CCDC33: variants seen among roughly 807,000 people sequenced by gnomAD.
CCDC33 encodes coiled-coil domain-containing protein 33.
A neutral mutation model predicts 91.9 loss-of-function variants in CCDC33; 94 were observed. That is an observed-to-expected ratio of 1.02 (90% CI 0.87 to 1.21). The LOEUF is 1.21. Among genes scored for constraint, CCDC33 ranks in the 50% most tolerant of loss-of-function variants. The pLI is 0.00. For synonymous variants in CCDC33, 396 were observed against 374.5 expected (o/e 1.06, Z -0.66); for missense variants, 940 against 935.5 (o/e 1.00, Z -0.06).
chr15:74,214,815 A>G (rs551474165), upstream of CCDC33, among the ~76,000 whole-genome samples: 5 of 152,256 alleles, frequency 3.3e-5, no homozygotes, highest in South Asian at 8.3e-4. Context: ...TCACAGATGG[A>G]CTCCAAATGA....
chr15:74,332,295 GC>G, intron 15 of CCDC33, among the ~76,000 whole-genome samples: 1 of 152,296 alleles, frequency 6.6e-6, no homozygotes. Context: ...TGCAATGAAA[GC>G]TGGGCTGGCC....
intron 7 of CCDC33, among the ~76,000 whole-genome samples, chr15:74,279,688 C>G (rs1156975178): frequency 6.6e-6 from 1 of 152,146 alleles, no homozygotes; most frequent in Non-Finnish European, 1.5e-5. Flanking sequence ...AGGAGTCCCC[C>G]ACCACACCTA....
Position 74,209,391 on chromosome 15 carries a change from G to T in CCDC33, n.93G>T, listed in dbSNP as rs180854138. 796 of 1,535,580 alleles carry T rather than the reference G, an allele frequency of 5.2e-4. 11 individuals are homozygous for T. Among genetic ancestry groups the T allele is most frequent in the Non-Finnish European group, 3.4e-5 (39 of 1,146,870 alleles). ...TGTCCCCATCCATCACTCCCAGGGGGCCACTGCCTGATGAATTGCCAGAGG... is the reference window on the plus strand; with the variant it reads ...TGTCCCCATCCATCACTCCCAGGGGTCCACTGCCTGATGAATTGCCAGAGG... On this transcript the variant is annotated non_coding_transcript_exon_variant, in exon 2 of 4. Transcript: ENST00000558645.
chr15:74,335,532 C>T (rs573299659), intron 18 of CCDC33: 7 of 360,380 alleles, frequency 1.9e-5, no homozygotes, highest in East Asian at 1.1e-4. Context: ...GCCAACTTCC[C>T]GAGAACAAAC....
At chr15:74,324,220 G>A (rs1380761083) in intron 11 of CCDC33, among the ~76,000 whole-genome samples, 1 of 151,868 alleles carries the variant, frequency 6.6e-6, no homozygotes, top group East Asian at 1.9e-4. Context: ...TTCATGGAGA[G>A]GGCACCGTGA....
chr15:74,303,276 G>A (rs142795467), intron 11 of CCDC33: 1 of 152,402 alleles, frequency 6.6e-6, no homozygotes, highest in Non-Finnish European at 1.5e-5. Flanking sequence ...GGAATAAGCA[G>A]CCCCCCCAGG....
At chr15:74,226,576 C>G (rs62003668) in intron 2 of CCDC33, among the ~76,000 whole-genome samples, 15,879 of 152,044 alleles carry the variant, frequency 0.1, 1,229 homozygotes, top group Admixed American at 0.25. Flanking sequence ...CGCCTGTAAT[C>G]CCAGCACTTT....
chr15:74,266,247 C>A (rs28464468), intron 3 of CCDC33, among the ~76,000 whole-genome samples: 3,721 of 152,256 alleles, frequency 0.024, 157 homozygotes, highest in African/African-American at 0.086. Context: ...ATAATCTCTC[C>A]CCATCCTGCC....
At chr15:74,286,682 T>C (rs1461864090) in intron 10 of CCDC33, among the ~76,000 whole-genome samples, 2 of 152,120 alleles carry the variant, frequency 1.3e-5, no homozygotes, top group Non-Finnish European at 2.9e-5. Context: ...AGATTTGGGA[T>C]CCATCACCTT....
At chr15:74,273,496 C>G (rs2076375646) in intron 7 of CCDC33, among the ~76,000 whole-genome samples, 1 of 152,340 alleles carries the variant, frequency 6.6e-6, no homozygotes, top group African/African-American at 2.4e-5. Flanking sequence ...GAGACAGAGC[C>G]TCGCTCTTGT....
chr15:74,266,921 T>G, intron 4 of CCDC33, 134 bp downstream of exon 4: 1 of 614,586 alleles, frequency 1.6e-6, no homozygotes, highest in Non-Finnish European at 2.9e-6. Context: ...CATGTGGGGC[T>G]CAGGAAACAT....
chr15:74,279,357 C>T (rs1223600016), intron 7 of CCDC33, among the ~76,000 whole-genome samples: 1 of 152,048 alleles, frequency 6.6e-6, no homozygotes, highest in East Asian at 1.9e-4. Flanking sequence ...ATGCAGGATG[C>T]TAGAATGGTG....
chr15:74,254,428 T>C (rs1170182071), intron 2 of CCDC33, among the ~76,000 whole-genome samples: 2 of 152,218 alleles, frequency 1.3e-5, no homozygotes, highest in South Asian at 2.1e-4. Flanking sequence ...TCAGTGAGGA[T>C]CTCTGGGCCC....
intron 11 of CCDC33, among the ~76,000 whole-genome samples, chr15:74,320,701 C>T (rs987876972): frequency 6.6e-6 from 1 of 152,196 alleles, no homozygotes; most frequent in African/African-American, 2.4e-5. Context: ...AATGCCACAT[C>T]GCACAGACCA....
At chr15:74,269,301 C>A (rs1233142707) in intron 5 of CCDC33, among the ~76,000 whole-genome samples, 1 of 151,702 alleles carries the variant, frequency 6.6e-6, no homozygotes, top group Non-Finnish European at 1.5e-5. Context: ...CTGTTCCTAT[C>A]CTTCCCACCC....
intron 7 of CCDC33, among the ~76,000 whole-genome samples, chr15:74,275,794 C>T (rs747595466): frequency 1.3e-5 from 2 of 152,102 alleles, no homozygotes; most frequent in Non-Finnish European, 2.9e-5. Context: ...CTCAGCCTCC[C>T]GAGTATCTGG....
chr15:74,225,523 AC>A (rs556181646), intron 2 of CCDC33, among the ~76,000 whole-genome samples: 2 of 150,388 alleles, frequency 1.3e-5, no homozygotes, highest in East Asian at 2.0e-4. Context: ...ACATGCAGAG[AC>A]CCCCCTACCC....
intron 5 of CCDC33, among the ~76,000 whole-genome samples, chr15:74,271,298 T>C (rs2076308923): frequency 6.6e-6 from 1 of 152,114 alleles, no homozygotes; most frequent in Non-Finnish European, 1.5e-5. Context: ...CTCATTTGAC[T>C]GACAGAAACC....
chr15:74,298,692 A>T, intron 11 of CCDC33, among the ~76,000 whole-genome samples: 1 of 135,790 alleles, frequency 7.4e-6, no homozygotes, highest in African/African-American at 2.7e-5. Context: ...GGCATTCGAC[A>T]CCCTGGCTAA....
Sources: allele counts gnomAD v4.1 joint callset (sites outside exome capture counted in the v4.1 genomes callset), GRCh38; gene constraint gnomAD v4.1.1; transcripts MANE v1.5; gene names NCBI Gene and HGNC (gene_info 2026-07-23, HGNC 2026-07-21).